Variants in PRPSAP2 observed in about 807,000 individuals in gnomAD.
PRPSAP2 encodes phosphoribosyl pyrophosphate synthase-associated protein 2.
Under a neutral mutation model 40.6 loss-of-function variants are expected in PRPSAP2, and 24 were observed. That is an observed-to-expected ratio of 0.59 (90% confidence interval 0.43 to 0.83). PRPSAP2 has a LOEUF of 0.83. PRPSAP2 is among the 40% of genes least tolerant of loss of function. PRPSAP2 has a pLI of 0.00. For missense variants in PRPSAP2, 292 were observed against 465.6 expected (o/e 0.63, Z 3.43); for synonymous variants, 149 against 164.7 (o/e 0.90, Z 0.73).
intron 9 of PRPSAP2, among the ~76,000 whole-genome samples, chr17:18,912,138 C>T (rs1458637507): frequency 4.6e-5 from 7 of 151,028 alleles, no homozygotes; most frequent in Admixed American, 1.3e-4. Context: ...GCCGAGATCG[C>T]GCCATTGCAC....
intron 9 of PRPSAP2, among the ~76,000 whole-genome samples, chr17:18,913,360 C>T (rs2041080338): frequency 6.6e-6 from 1 of 151,952 alleles, no homozygotes; most frequent in Non-Finnish European, 1.5e-5. Flanking sequence ...TATAGTTGGA[C>T]CTGCTTGAGC....
At chr17:18,857,274 G>T (rs1439510886), upstream of PRPSAP2, among the ~76,000 whole-genome samples, 5 of 151,664 alleles carry the variant, frequency 3.3e-5, no homozygotes, top group Non-Finnish European at 4.4e-5. Flanking sequence ...GACGAAGTTT[G>T]CAGTGAGCTG....
At chr17:18,858,804 G>C (rs1279298509) in intron 1 of PRPSAP2, among the ~76,000 whole-genome samples, 2 of 151,980 alleles carry the variant, frequency 1.3e-5, no homozygotes, top group East Asian at 3.9e-4. Context: ...GCTCCGTTTG[G>C]GTGTTTAGCT....
intron 4 of PRPSAP2, among the ~76,000 whole-genome samples, chr17:18,868,810 G>GC (rs1361391821): frequency 6.6e-6 from 1 of 150,576 alleles, no homozygotes; most frequent in Non-Finnish European, 1.5e-5. Flanking sequence ...TCCTATTTCA[G>GC]CCCCCCAAAG....
intron 8 of PRPSAP2, among the ~76,000 whole-genome samples, chr17:18,910,812 CAG>C (rs377551003): frequency 1.3e-5 from 2 of 152,272 alleles, no homozygotes; most frequent in African/African-American, 2.4e-5. Flanking sequence ...TTAGGTGAGA[CAG>C]AGCTGAGCGG....
chr17:18,917,572 ATTATTATTATTATTTTTT>A (rs1567744132), intron 9 of PRPSAP2: 11 of 29,356 alleles, frequency 3.7e-4, no homozygotes, highest in African/African-American at 1.5e-3. Context: ...TATTATTATT[ATTATTATTATTATTTTTT>A]TTTTTTTTTT....
intron 3 of PRPSAP2, among the ~76,000 whole-genome samples, chr17:18,866,888 G>T (rs1313951571): frequency 6.6e-6 from 1 of 152,190 alleles, no homozygotes; most frequent in Non-Finnish European, 1.5e-5. Flanking sequence ...TGAAGGGATG[G>T]TGTGTGAGTT....
intron 8 of PRPSAP2, among the ~76,000 whole-genome samples, chr17:18,897,053 G>T (rs1597653559): frequency 6.6e-6 from 1 of 151,906 alleles, no homozygotes; most frequent in African/African-American, 2.4e-5. Context: ...TGGACTTCCT[G>T]GGCTCAGGTG....
At chr17:18,897,144 G>C (rs553782217) in intron 8 of PRPSAP2, among the ~76,000 whole-genome samples, 2 of 151,938 alleles carry the variant, frequency 1.3e-5, no homozygotes, top group African/African-American at 4.8e-5. Context: ...TTTTTGTAGA[G>C]ATGGGGTCTC....
chr17:18,894,979 A>G (rs959462499), intron 8 of PRPSAP2, among the ~76,000 whole-genome samples: 2 of 152,158 alleles, frequency 1.3e-5, no homozygotes, highest in East Asian at 1.9e-4. Flanking sequence ...CATCTTGACA[A>G]TATTGAGTCT....
At chr17:18,876,699 G>A (rs771996252) in intron 5 of PRPSAP2, among the ~76,000 whole-genome samples, 1 of 152,204 alleles carries the variant, frequency 6.6e-6, no homozygotes, top group Non-Finnish European at 1.5e-5. Flanking sequence ...ACAGCATGGT[G>A]AGATGATAGT....
At chr17:18,923,352 C>T (rs1388100009) in intron 9 of PRPSAP2, among the ~76,000 whole-genome samples, 7 of 151,416 alleles carry the variant, frequency 4.6e-5, no homozygotes, top group South Asian at 2.1e-4. Flanking sequence ...GTGATCCGCC[C>T]GCCTCAGCCT....
At chr17:18,926,386 C>T (rs1424249714) in intron 10 of PRPSAP2, among the ~76,000 whole-genome samples, 1 of 151,748 alleles carries the variant, frequency 6.6e-6, no homozygotes, top group African/African-American at 2.4e-5. Flanking sequence ...CCTGCCTCAG[C>T]CTCCCAAGTA....
At chr17:18,906,155 C>G (rs1252948121) in intron 8 of PRPSAP2, among the ~76,000 whole-genome samples, 2 of 152,154 alleles carry the variant, frequency 1.3e-5, no homozygotes, top group Non-Finnish European at 2.9e-5. Flanking sequence ...AATTACATTC[C>G]TCATAGATAG....
chr17:18,876,874 G>A (rs964701471), intron 5 of PRPSAP2, among the ~76,000 whole-genome samples: 5 of 152,166 alleles, frequency 3.3e-5, no homozygotes, highest in Non-Finnish European at 5.9e-5. Flanking sequence ...GAGCTGCTGT[G>A]GGAGGACTGA....
intron 5 of PRPSAP2, 59 bp from the exon 6 acceptor site, chr17:18,877,639 G>T: frequency 6.7e-7 from 1 of 1,485,362 alleles, no homozygotes; most frequent in East Asian, 2.3e-5. Context: ...GACACTTTTT[G>T]GAACAGGGAA....
intron 6 of PRPSAP2, among the ~76,000 whole-genome samples, chr17:18,879,820 C>T (rs1242892726): frequency 6.6e-6 from 1 of 151,672 alleles, no homozygotes; most frequent in Non-Finnish European, 1.5e-5. Context: ...AAAAACTAGG[C>T]AGGGTGTGGT....
chr17:18,895,511 A>T (rs1597648102), intron 8 of PRPSAP2, among the ~76,000 whole-genome samples: 1 of 151,426 alleles, frequency 6.6e-6, no homozygotes, highest in East Asian at 1.9e-4. Context: ...TTATTCTGAC[A>T]TTGGGCTTTT....
Position 18,911,969 on chromosome 17 carries a change from G to C in PRPSAP2, c.733+718G>C, listed in dbSNP as rs2040983961. ...AGGCCGAGGCGGGTGAATCACCTGA[G>C]GTCAGGAGTTCGAGACCAGCCTGAT... is the stretch of plus-strand genomic sequence containing the variant. On this transcript the variant is annotated intron_variant, in intron 9 of 11. Coordinates refer to ENST00000268835, the MANE Select transcript of PRPSAP2 (RefSeq NM_002767.4). The surrounding 1 kb of genome is among the most constrained non-coding windows in gnomAD (Gnocchi z 4.5). Among the ~76,000 whole-genome samples, 1 of 152,088 alleles carries C rather than the reference G, an allele frequency of 6.6e-6. No individual in the cohort carries two copies. The highest frequency in any genetic ancestry group is 1.5e-5 in the Non-Finnish European group (1 of 68,030).
Sources: allele counts gnomAD v4.1 joint callset (sites outside exome capture counted in the v4.1 genomes callset), GRCh38; gene constraint gnomAD v4.1.1; non-coding constraint Gnocchi (gnomAD v3.1); transcripts MANE v1.5; gene names NCBI Gene and HGNC (gene_info 2026-07-23, HGNC 2026-07-21).